CACNA2D3: variants seen among roughly 807,000 people sequenced by gnomAD.
CACNA2D3 encodes the protein voltage-dependent calcium channel subunit alpha-2/delta-3.
In CACNA2D3, 60 loss-of-function variants were observed where a neutral mutation model predicts 160.6. That is an observed-to-expected ratio of 0.37 (90% CI 0.30 to 0.46). The LOEUF (loss-of-function observed/expected upper bound fraction) is 0.46, where lower values mean the gene tolerates loss of function less well. Among genes scored for constraint, CACNA2D3 ranks in the 20% least tolerant of loss-of-function variants. The probability of loss-of-function intolerance (pLI) is 1.00; values close to 1 mark genes in which losing one functional copy is unlikely to be tolerated. For synonymous variants in CACNA2D3, 558 were observed against 492.9 expected, an observed-to-expected ratio of 1.13 and a Z score of -1.75; for missense variants, 1,205 against 1,365.0, an observed-to-expected ratio of 0.88 and a Z score of 1.85.
At position 54,354,480 on chromosome 3, in the gene CACNA2D3, G is replaced by A. The variant is rs143652100; in HGVS notation, c.322-32235G>A. On this transcript the variant is annotated intron_variant, in intron 3 of 37. Transcript: ENST00000474759. ...TATAATTTAAAAAAAATGACAAACA[G>A]TGCTGTGGTGAGCTGCAAGTTAAAT... is the stretch of plus-strand genomic sequence containing the variant. 2.8e-3 allele frequency among the ~76,000 whole-genome samples: 425 copies of A among 152,218 alleles called. 1 individual carries two copies. The highest frequency in any genetic ancestry group is 0.01 in the Middle Eastern group (3 of 294).
At chr3:54,853,460 G>A (rs542681002) in intron 17 of CACNA2D3, among the ~76,000 whole-genome samples, 28 of 152,230 alleles carry the variant, frequency 1.8e-4, no homozygotes, top group African/African-American at 6.3e-4. Flanking sequence ...TTGCTACGTC[G>A]GGTGCAGAAA....
intron 11 of CACNA2D3, among the ~76,000 whole-genome samples, chr3:54,744,421 A>C (rs1701710633): frequency 6.6e-6 from 1 of 152,200 alleles, no homozygotes; most frequent in Non-Finnish European, 1.5e-5. Flanking sequence ...ATTTTATCTG[A>C]AATTGTGAGT....
At chr3:54,695,954 A>G (rs182430048) in intron 11 of CACNA2D3, among the ~76,000 whole-genome samples, 1 of 152,222 alleles carries the variant, frequency 6.6e-6, no homozygotes, top group East Asian at 1.9e-4. Context: ...TGCGTTGACT[A>G]CTGTTCCTGA....
chr3:55,056,637 A>G (rs764422767), intron 35 of CACNA2D3, among the ~76,000 whole-genome samples: 1 of 152,196 alleles, frequency 6.6e-6, no homozygotes, highest in African/African-American at 2.4e-5. Context: ...AAAAGAAGGA[A>G]ATTCTGTCAT....
intron 12 of CACNA2D3, among the ~76,000 whole-genome samples, chr3:54,761,438 T>A (rs985156721): frequency 6.6e-6 from 1 of 152,234 alleles, no homozygotes; most frequent in Non-Finnish European, 1.5e-5. Context: ...ATTTTCTTTC[T>A]TATCAAACGC....
intron 4 of CACNA2D3, among the ~76,000 whole-genome samples, chr3:54,424,200 A>G (rs550190066): frequency 7.8e-4 from 119 of 152,322 alleles, no homozygotes; most frequent in African/African-American, 2.7e-3. Flanking sequence ...TACTGGGCCT[A>G]TAGATTATGT....
At chr3:54,607,471 C>T (rs1698656346) in intron 9 of CACNA2D3, among the ~76,000 whole-genome samples, 1 of 152,076 alleles carries the variant, frequency 6.6e-6, no homozygotes, top group African/African-American at 2.4e-5. Flanking sequence ...TTGCCATCCC[C>T]TCATATATCC....
At chr3:55,013,469 T>C (rs904457077) in intron 34 of CACNA2D3, among the ~76,000 whole-genome samples, 5 of 152,190 alleles carry the variant, frequency 3.3e-5, no homozygotes, top group Non-Finnish European at 7.3e-5. Flanking sequence ...GTCATTGGGA[T>C]ATCTTATTAA....
At chr3:55,045,995 T>G (rs1408334643) in intron 35 of CACNA2D3, among the ~76,000 whole-genome samples, 1 of 152,086 alleles carries the variant, frequency 6.6e-6, no homozygotes, top group African/African-American at 2.4e-5. Context: ...TTGAGGACTT[T>G]CTTCTTTCTA....
chr3:54,504,604 CTAGAAA>C (rs1210182282), intron 5 of CACNA2D3, among the ~76,000 whole-genome samples: 1 of 152,104 alleles, frequency 6.6e-6, no homozygotes, highest in Non-Finnish European at 1.5e-5. Context: ...AACTATCCTC[CTAGAAA>C]AATAAGCCAG....
chr3:54,937,532 C>G (rs1701360506), intron 27 of CACNA2D3, among the ~76,000 whole-genome samples: 1 of 152,080 alleles, frequency 6.6e-6, no homozygotes, highest in African/African-American at 2.4e-5. Flanking sequence ...CTGTGCAGTT[C>G]AAACTCGTGT....
At chr3:54,299,585 G>A (rs142278694) in intron 2 of CACNA2D3, among the ~76,000 whole-genome samples, 105 of 152,278 alleles carry the variant, frequency 6.9e-4, no homozygotes, top group Middle Eastern at 6.8e-3. Context: ...AGCTAGAAAA[G>A]CATTCAATTA....
intron 27 of CACNA2D3, among the ~76,000 whole-genome samples, chr3:54,908,486 C>T (rs1047291350): frequency 3.9e-5 from 6 of 152,082 alleles, no homozygotes; most frequent in African/African-American, 1.4e-4. Context: ...GAGGCTGAGT[C>T]AGGTAGATTG....
At chr3:55,063,651 G>A in intron 35 of CACNA2D3, among the ~76,000 whole-genome samples, 1 of 152,116 alleles carries the variant, frequency 6.6e-6, no homozygotes, top group South Asian at 2.1e-4. Flanking sequence ...GGGCTGGGAT[G>A]GTTGAACACG....
At chr3:54,297,684 T>C (rs1013152510) in intron 2 of CACNA2D3, among the ~76,000 whole-genome samples, 33 of 150,656 alleles carry the variant, frequency 2.2e-4, no homozygotes, top group South Asian at 4.3e-4. Context: ...GCTTTGTGTT[T>C]TAATGTTGGT....
chr3:55,052,788 T>C (rs772310114), intron 35 of CACNA2D3, among the ~76,000 whole-genome samples: 1 of 152,178 alleles, frequency 6.6e-6, no homozygotes, highest in Non-Finnish European at 1.5e-5. Context: ...CTTTGTCTAA[T>C]ATTAATATAG....
At chr3:54,961,388 GA>G (rs1702026599) in intron 27 of CACNA2D3, among the ~76,000 whole-genome samples, 2 of 152,210 alleles carry the variant, frequency 1.3e-5, no homozygotes. Flanking sequence ...CCTAAGAGAT[GA>G]AATATATGGG....
At chr3:54,298,609 G>T (rs1703394039) in intron 2 of CACNA2D3, among the ~76,000 whole-genome samples, 1 of 152,094 alleles carries the variant, frequency 6.6e-6, no homozygotes, top group Non-Finnish European at 1.5e-5. Flanking sequence ...GAGCAACCTG[G>T]GTAACATGGC....
intron 18 of CACNA2D3, among the ~76,000 whole-genome samples, chr3:54,873,621 G>A (rs1018340246): frequency 1.3e-5 from 2 of 152,116 alleles, no homozygotes; most frequent in African/African-American, 4.8e-5. Context: ...TCACGTGTGT[G>A]TTCTTCACCT....
Sources: gnomAD v4.1 joint callset for allele counts (sites outside exome capture counted in the v4.1 genomes callset) on GRCh38, gnomAD v4.1.1 for gene constraint, MANE v1.5 for transcripts, NCBI Gene and HGNC (gene_info 2026-07-23, HGNC 2026-07-21) for gene names.